Variants in NFIA observed in about 807,000 individuals in gnomAD.
NFIA encodes nuclear factor I A.
Under a neutral mutation model 62.8 loss-of-function variants are expected in NFIA, and 8 were observed. The observed-to-expected ratio is 0.13, with a 90% CI of 0.07 to 0.23. NFIA has a LOEUF of 0.23. Among genes scored for constraint, NFIA ranks in the 10% least tolerant of loss-of-function variants. NFIA has a pLI of 1.00. For missense variants in NFIA, 410 were observed against 642.1 expected, an observed-to-expected ratio of 0.64 and a Z score of 3.91; for synonymous variants, 235 against 238.1, an observed-to-expected ratio of 0.99 and a Z score of 0.12.
intron 2 of NFIA, among the ~76,000 whole-genome samples, chr1:61,273,384 G>C (rs1657630558): frequency 6.6e-6 from 1 of 152,094 alleles, no homozygotes. Flanking sequence ...TCTAAACACT[G>C]TGTAAGATTT....
intron 1 of NFIA, among the ~76,000 whole-genome samples, chr1:61,086,206 C>T (rs1557553984): frequency 6.6e-6 from 1 of 151,974 alleles, no homozygotes; most frequent in Non-Finnish European, 1.5e-5. Flanking sequence ...GTCTTGGTCC[C>T]TAGCATGTCT....
intron 9 of NFIA, among the ~76,000 whole-genome samples, chr1:61,417,459 A>T (rs1338371549): frequency 1.3e-5 from 2 of 151,654 alleles, no homozygotes; most frequent in African/African-American, 4.8e-5. Context: ...CCTATGGAGT[A>T]TGCTCCAGCA....
chr1:61,108,722 T>C (rs1461947087), intron 2 of NFIA, among the ~76,000 whole-genome samples: 1 of 151,742 alleles, frequency 6.6e-6, no homozygotes, highest in Non-Finnish European at 1.5e-5. Flanking sequence ...TTACTTTCGC[T>C]GCTCACATTT....
chr1:61,346,643 G>A (rs938308151), intron 4 of NFIA, among the ~76,000 whole-genome samples: 1 of 152,026 alleles, frequency 6.6e-6, no homozygotes, highest in Non-Finnish European at 1.5e-5. Flanking sequence ...CAGAGTCTTG[G>A]CCTCCATTCC....
chr1:61,146,876 T>C (rs1483827115), intron 2 of NFIA, among the ~76,000 whole-genome samples: 2 of 152,186 alleles, frequency 1.3e-5, no homozygotes, highest in African/African-American at 4.8e-5. Context: ...TTAATTTCAC[T>C]TAAAAAGATA....
intron 2 of NFIA, among the ~76,000 whole-genome samples, chr1:61,192,882 C>T (rs1226156634): frequency 6.6e-6 from 1 of 152,158 alleles, no homozygotes; most frequent in Non-Finnish European, 1.5e-5. Flanking sequence ...ATTAGCAACA[C>T]TCCAAGTAGA....
At chr1:61,425,821 G>A (rs1435399450) in intron 9 of NFIA, among the ~76,000 whole-genome samples, 1 of 152,206 alleles carries the variant, frequency 6.6e-6, no homozygotes, top group African/African-American at 2.4e-5. Flanking sequence ...GATAGTTTAT[G>A]CCTGAACAGA....
chr1:61,103,660 A>G (rs1006698162), intron 2 of NFIA, among the ~76,000 whole-genome samples: 3 of 152,302 alleles, frequency 2.0e-5, no homozygotes, highest in African/African-American at 7.2e-5. Flanking sequence ...TGGATTGAAC[A>G]AAACAAGAAC....
intron 2 of NFIA, among the ~76,000 whole-genome samples, chr1:61,103,586 A>G (rs1224337362): frequency 2.0e-5 from 3 of 152,186 alleles, no homozygotes; most frequent in African/African-American, 7.2e-5. Context: ...ATAGGGGTGC[A>G]TAGAACCTGG....
intron 10 of NFIA, among the ~76,000 whole-genome samples, chr1:61,430,647 T>G (rs1398668017): frequency 2.5e-5 from 2 of 78,462 alleles, no homozygotes; most frequent in Non-Finnish European, 4.7e-5. Flanking sequence ...CTCTTTCCCT[T>G]GTAGTCTGTT....
intron 2 of NFIA, among the ~76,000 whole-genome samples, chr1:61,134,645 T>C (rs1647149059): frequency 6.6e-6 from 1 of 152,198 alleles, no homozygotes; most frequent in Admixed American, 6.5e-5. Flanking sequence ...GGATTGATAA[T>C]CATGCATTTT....
intron 2 of NFIA, among the ~76,000 whole-genome samples, chr1:61,209,508 G>GT (rs922210692): frequency 1.3e-5 from 2 of 152,052 alleles, no homozygotes; most frequent in Non-Finnish European, 2.9e-5. Context: ...TATTTTTAAA[G>GT]TTTTTTAATT....
chr1:61,363,640 C>T (rs532585776), intron 6 of NFIA, among the ~76,000 whole-genome samples: 1 of 151,008 alleles, frequency 6.6e-6, no homozygotes, highest in African/African-American at 2.4e-5. Context: ...CAATAAATAA[C>T]TCATGAGAGA....
In NFIA at chr1:61,322,618, T is replaced by G. The variant is rs117843998; in HGVS notation, c.626-9894T>G. 3.3e-5 allele frequency among the ~76,000 whole-genome samples: 5 copies of G among 152,342 alleles called. No individual in the cohort carries two copies. The East Asian group carries it at 9.6e-4, about 29-fold the overall frequency. On this transcript the variant is annotated intron_variant, in intron 3 of 10. Coordinates refer to ENST00000403491, the MANE Select transcript of NFIA (RefSeq NM_001134673.4). ...TTCTGGTTGTGGCCACTCCTAACTG[T>G]AAGGCAGTCTGGAAAGTGTGCTTTC...
At chr1:61,277,478 TGC>T (rs1270988083) in intron 2 of NFIA, 40 bp from the exon 3 acceptor site, 2 of 1,606,366 alleles carry the variant, frequency 1.2e-6, no homozygotes, top group Non-Finnish European at 1.7e-6. Context: ...CACTTTCCCT[TGC>T]AGACCCTGTA....
At chr1:61,223,667 T>C (rs1327288049) in intron 2 of NFIA, among the ~76,000 whole-genome samples, 2 of 152,084 alleles carry the variant, frequency 1.3e-5, no homozygotes, top group Non-Finnish European at 2.9e-5. Context: ...TGTCTGAATG[T>C]GGAATTCTCA....
chr1:61,189,623 C>T (rs928251763), intron 2 of NFIA, among the ~76,000 whole-genome samples: 2 of 152,096 alleles, frequency 1.3e-5, no homozygotes, highest in African/African-American at 4.8e-5. Context: ...CGAGATCGGG[C>T]CACTGCACTC....
At chr1:61,277,634 C>T (rs1220827237) in intron 3 of NFIA, 49 bp downstream of exon 3, 1 of 1,589,508 alleles carries the variant, frequency 6.3e-7, no homozygotes, top group Non-Finnish European at 8.6e-7. Context: ...TCCACAGCAG[C>T]CAGCAGGCCG....
At chr1:61,134,759 G>A (rs1238453299) in intron 2 of NFIA, among the ~76,000 whole-genome samples, 2 of 152,204 alleles carry the variant, frequency 1.3e-5, no homozygotes, top group African/African-American at 4.8e-5. Flanking sequence ...AAAGGCTGAG[G>A]TGGGAGGATT....
Sources: allele counts gnomAD v4.1 joint callset (sites outside exome capture counted in the v4.1 genomes callset), GRCh38; gene constraint gnomAD v4.1.1; transcripts MANE v1.5; gene names NCBI Gene and HGNC (gene_info 2026-07-23, HGNC 2026-07-21).